ADAMTS20: variants seen among roughly 807,000 people sequenced by gnomAD.
ADAMTS20 encodes ADAM metallopeptidase with thrombospondin type 1 motif 20, also known as A disintegrin and metalloproteinase with thrombospondin motifs 20.
A neutral mutation model predicts 260.1 loss-of-function variants in ADAMTS20; 225 were observed. The observed-to-expected ratio is 0.87, with a 90% CI of 0.78 to 0.97. The LOEUF (loss-of-function observed/expected upper bound fraction) is 0.97. Ranked by LOEUF, ADAMTS20 falls within the 50% of genes least tolerant of loss-of-function variation. ADAMTS20 has a pLI of 0.00. For missense variants in ADAMTS20, 2,400 were observed against 2,337.7 expected, an observed-to-expected ratio of 1.03 and a Z score of -0.55; for synonymous variants, 802 against 769.5, an observed-to-expected ratio of 1.04 and a Z score of -0.70.
intron 38 of ADAMTS20, among the ~76,000 whole-genome samples, chr12:43,356,053 A>G (rs1035693347): frequency 6.6e-6 from 1 of 152,178 alleles, no homozygotes; most frequent in Non-Finnish European, 1.5e-5. Flanking sequence ...CACCCCCATC[A>G]CTAAAACAGT....
intron 3 of ADAMTS20, among the ~76,000 whole-genome samples, chr12:43,530,536 C>A (rs1041590371): frequency 1.3e-5 from 2 of 152,116 alleles, no homozygotes; most frequent in Non-Finnish European, 2.9e-5. Flanking sequence ...CAAGGAAAAC[C>A]ATCAAAGGCC....
intron 29 of ADAMTS20, among the ~76,000 whole-genome samples, chr12:43,388,952 G>A (rs1045485657): frequency 3.7e-4 from 57 of 152,126 alleles, no homozygotes; most frequent in South Asian, 1.0e-3. Flanking sequence ...TTTCTGGGGT[G>A]TCCTTTATAA....
intron 2 of ADAMTS20, among the ~76,000 whole-genome samples, chr12:43,539,282 T>C (rs1459391770): frequency 6.6e-6 from 1 of 152,132 alleles, no homozygotes; most frequent in African/African-American, 2.4e-5. Context: ...ATGGTACTCT[T>C]GAGACATGTC....
intron 4 of ADAMTS20, among the ~76,000 whole-genome samples, chr12:43,497,105 C>T (rs1191760110): frequency 1.3e-5 from 2 of 152,128 alleles, no homozygotes; most frequent in Non-Finnish European, 2.9e-5. Context: ...TATTGATCTA[C>T]TTAAAATGTA....
At chr12:43,488,870 T>C (rs1214246354) in intron 7 of ADAMTS20, among the ~76,000 whole-genome samples, 2 of 152,136 alleles carry the variant, frequency 1.3e-5, no homozygotes, top group Non-Finnish European at 2.9e-5. Flanking sequence ...CCTTTGGCTC[T>C]TTAGTGCAAC....
intron 37 of ADAMTS20, among the ~76,000 whole-genome samples, chr12:43,363,834 T>G (rs1363196818): frequency 2.0e-5 from 3 of 152,212 alleles, no homozygotes; most frequent in African/African-American, 7.2e-5. Flanking sequence ...GGGACTTTCC[T>G]GATCTCAAAA....
At chr12:43,430,841 G>A (rs1004359332) in intron 22 of ADAMTS20, among the ~76,000 whole-genome samples, 1 of 152,128 alleles carries the variant, frequency 6.6e-6, no homozygotes. Flanking sequence ...ATTTTAAAGA[G>A]ACAAAGAAGG....
chr12:43,500,320 C>T (rs1352650660), intron 4 of ADAMTS20, among the ~76,000 whole-genome samples: 3 of 152,210 alleles, frequency 2.0e-5, no homozygotes, highest in East Asian at 1.9e-4. Flanking sequence ...TGAGCCACTA[C>T]GCCGAGCCCC....
rs144275711 is a variant in ADAMTS20, at chr12:43,414,639, C to T, written c.4284+10875G>A. Among the ~76,000 whole-genome samples the T allele has an allele frequency of 8.0e-4, 122 of 152,110 alleles. 1 individual carries two copies. The highest frequency in any genetic ancestry group is 2.8e-3 in the African/African-American group (115 of 41,498). On this transcript the variant is annotated intron_variant, in intron 28 of 38. Transcript: ENST00000389420. ...AAACTACAACCACAAAGAAATACCA[C>T]GACACACTCACTAGAATTGCTAAAA...
intron 2 of ADAMTS20, among the ~76,000 whole-genome samples, chr12:43,541,015 A>T (rs1943369663): frequency 6.6e-6 from 1 of 152,200 alleles, no homozygotes; most frequent in Non-Finnish European, 1.5e-5. Flanking sequence ...CATAGCAAAT[A>T]CATGTACTTT....
At chr12:43,519,341 A>G (rs567895326) in intron 3 of ADAMTS20, among the ~76,000 whole-genome samples, 8 of 152,222 alleles carry the variant, frequency 5.3e-5, no homozygotes, top group Middle Eastern at 3.4e-3. Flanking sequence ...CACTACCATT[A>G]TTTCTACTAA....
At chr12:43,471,386 C>A (rs1394211288) in intron 7 of ADAMTS20, among the ~76,000 whole-genome samples, 1 of 128,540 alleles carries the variant, frequency 7.8e-6, no homozygotes, top group African/African-American at 3.0e-5. Context: ...GATCAAACTG[C>A]AAGGCGGCAG....
intron 7 of ADAMTS20, among the ~76,000 whole-genome samples, chr12:43,478,918 T>A (rs1419189626): frequency 6.6e-6 from 1 of 152,164 alleles, no homozygotes; most frequent in African/African-American, 2.4e-5. Flanking sequence ...CCTGGGCACC[T>A]CATACTTGCA....
chr12:43,538,038 G>A (rs1943321725), intron 2 of ADAMTS20, among the ~76,000 whole-genome samples: 1 of 152,216 alleles, frequency 6.6e-6, no homozygotes, highest in Non-Finnish European at 1.5e-5. Context: ...ATACCCAGCA[G>A]TGGGATTGCT....
chr12:43,435,675 AAATAAAAT>A lies in ADAMTS20; in HGVS notation c.2594-1312_2594-1305del, dbSNP rs1469029579. On this transcript the variant is annotated intron_variant, in intron 18 of 38. Coordinates refer to ENST00000389420, the MANE Select transcript of ADAMTS20 (RefSeq NM_025003.5). ...AAAAAAAACAAAAAAATAAAAATAAAAATAAAATAAAAAAAGTCTATAAAAAAAAAAAA... is the reference window on the plus strand; with the variant it reads ...AAAAAAAACAAAAAAATAAAAATAAAAAAAAAAGTCTATAAAAAAAAAAAA... Among the ~76,000 whole-genome samples the A allele has an allele frequency of 4.5e-4, 57 of 128,014 alleles. 1 individual carries two copies. Among genetic ancestry groups the A allele is most frequent in the African/African-American group, 1.5e-3 (52 of 35,634 alleles). 84.0% of individuals were successfully genotyped at this position (128,014 alleles called of 152,430 possible).
At chr12:43,543,175 G>A (rs533893297) in intron 2 of ADAMTS20, among the ~76,000 whole-genome samples, 5 of 151,968 alleles carry the variant, frequency 3.3e-5, no homozygotes, top group East Asian at 1.9e-4. Context: ...GGTCAGGTGT[G>A]GGGGGGTGTG....
At position 43,452,519 on chromosome 12, in the gene ADAMTS20, C is replaced by A. The variant is rs143369718; in HGVS notation, c.1937G>T (p.Ser646Ile). 24 of 1,611,304 alleles carry A rather than the reference C, an allele frequency of 1.5e-5. No individual in the cohort carries two copies. The highest frequency in any genetic ancestry group is 2.0e-5 in the Non-Finnish European group (23 of 1,178,196). Residue 646 changes from serine (S) to isoleucine (I), a missense_variant, in exon 13 of 39, where the codon AGT (serine) becomes ATT (isoleucine). Physicochemically the swap from Ser to Ile is moderately radical, Grantham distance 142. Transcript: ENST00000389420. ...PSNVRWLPRY[S>I]GIGTKDRCKL... The stretch of plus-strand genomic sequence containing the variant: ...AACCAGCATAATTTACTTACTGCCA[C>A]TGTATCTTGGAAGCCACCTCACATT...
chr12:43,403,629 AT>A (rs532786626), intron 28 of ADAMTS20, among the ~76,000 whole-genome samples: 3 of 151,394 alleles, frequency 2.0e-5, no homozygotes, highest in African/African-American at 2.4e-5. Flanking sequence ...GATGAAAGGC[AT>A]TTTTTTTTAA....
chr12:43,542,363 C>T (rs1311402197), intron 2 of ADAMTS20, among the ~76,000 whole-genome samples: 1 of 152,098 alleles, frequency 6.6e-6, no homozygotes, highest in African/African-American at 2.4e-5. Context: ...AAAACAAACA[C>T]AAAAATACAT....
Sources: allele counts gnomAD v4.1 joint callset (sites outside exome capture counted in the v4.1 genomes callset), GRCh38; gene constraint gnomAD v4.1.1; transcripts MANE v1.5; gene names NCBI Gene and HGNC (gene_info 2026-07-23, HGNC 2026-07-21).